SUMF1: variants seen among roughly 807,000 people sequenced by gnomAD.
SUMF1 encodes formylglycine-generating enzyme.
Under a neutral mutation model 47.6 loss-of-function variants are expected in SUMF1, and 48 were observed. The observed-to-expected ratio is 1.01, with a 90% CI of 0.80 to 1.28. The LOEUF is 1.28. Among genes scored for constraint, SUMF1 ranks in the 50% most tolerant of loss-of-function variants. The probability of loss-of-function intolerance (pLI) is 0.00; values close to 1 mark genes in which losing one functional copy is unlikely to be tolerated. For missense variants in SUMF1, 571 were observed against 485.4 expected (o/e 1.18, Z -1.66); for synonymous variants, 230 against 192.1 (o/e 1.20, Z -1.63).
At chr3:4,208,962 T>A (rs1695715234) in intron 8 of SUMF1, among the ~76,000 whole-genome samples, 1 of 152,166 alleles carries the variant, frequency 6.6e-6, no homozygotes, top group African/African-American at 2.4e-5. Flanking sequence ...TCTATAGTTT[T>A]CTTGTGATGT....
intron 1 of SUMF1, among the ~76,000 whole-genome samples, chr3:4,456,326 C>T (rs751952933): frequency 1.2e-4 from 18 of 151,934 alleles, no homozygotes; most frequent in Non-Finnish European, 2.4e-4. Flanking sequence ...ATACTCTTGC[C>T]ACTTCTATTC....
intron 6 of SUMF1, among the ~76,000 whole-genome samples, chr3:4,412,443 G>A (rs1042936300): frequency 5.9e-5 from 9 of 152,156 alleles, no homozygotes; most frequent in African/African-American, 2.2e-4. Context: ...GAACGAAGAG[G>A]CCACAGGCAT....
At chr3:4,093,798 A>T (rs566748850) in intron 8 of SUMF1, among the ~76,000 whole-genome samples, 2 of 152,234 alleles carry the variant, frequency 1.3e-5, no homozygotes, top group Non-Finnish European at 2.9e-5. Flanking sequence ...GGCAAGGTGG[A>T]ATATGTAAAT....
intron 8 of SUMF1, among the ~76,000 whole-genome samples, chr3:4,327,759 T>C (rs1328757293): frequency 1.3e-5 from 2 of 152,160 alleles, no homozygotes; most frequent in Non-Finnish European, 2.9e-5. Flanking sequence ...GGACCTAATA[T>C]CTAAAAAAGT....
chr3:4,135,233 T>A (rs1693896941), intron 8 of SUMF1, among the ~76,000 whole-genome samples: 2 of 152,270 alleles, frequency 1.3e-5, no homozygotes, highest in Admixed American at 6.5e-5. Context: ...AATAAAATAC[T>A]GGCAAAGTGA....
intron 8 of SUMF1, among the ~76,000 whole-genome samples, chr3:4,100,037 A>C (rs1214525799): frequency 6.6e-6 from 1 of 151,414 alleles, no homozygotes; most frequent in Non-Finnish European, 1.5e-5. Flanking sequence ...ATTCAATTCA[A>C]TCCAATTCAA....
rs759674958 is a variant in SUMF1, at chr3:4,303,406, T to G, written c.1014+72924A>C. 7 of 1,558,630 alleles carry G rather than the reference T, an allele frequency of 4.5e-6. No individual in the cohort carries two copies. The South Asian group carries it at 8.4e-5, about 19-fold the overall frequency. ...AAGCGGCAAAGACGACACGGCCTTG[T>G]GGGATGGCGGAGTTTAAGGAGAAGC... On this transcript the variant is annotated intron_variant and NMD_transcript_variant, in intron 8 of 12. Transcript: ENST00000448413.
chr3:4,082,658 C>T (rs1320471639), intron 8 of SUMF1, among the ~76,000 whole-genome samples: 1 of 151,954 alleles, frequency 6.6e-6, no homozygotes, highest in African/African-American at 2.4e-5. Context: ...AATTATTAAT[C>T]TATTTAATAA....
intron 8 of SUMF1, among the ~76,000 whole-genome samples, chr3:4,311,577 C>A (rs1486061444): frequency 6.6e-6 from 1 of 152,172 alleles, no homozygotes; most frequent in Non-Finnish European, 1.5e-5. Flanking sequence ...AAGTCAATGC[C>A]ACTTCTGAAC....
At chr3:4,197,692 C>T (rs928853896) in intron 8 of SUMF1, among the ~76,000 whole-genome samples, 1 of 151,940 alleles carries the variant, frequency 6.6e-6, no homozygotes, top group Admixed American at 6.6e-5. Flanking sequence ...CTAGGAAATG[C>T]CTATAAAAGA....
intron 8 of SUMF1, among the ~76,000 whole-genome samples, chr3:4,273,060 C>T (rs1426492109): frequency 6.7e-6 from 1 of 149,356 alleles, no homozygotes; most frequent in Non-Finnish European, 1.5e-5. Flanking sequence ...GCTCTGTCTC[C>T]AAAATATATA....
chr3:4,171,399 C>G lies in SUMF1; in HGVS notation c.1015-102654G>C, dbSNP rs1437301682. On this transcript the variant is annotated intron_variant and NMD_transcript_variant, in intron 8 of 12. Transcript: ENST00000448413. Reference sequence around the variant, plus strand: ...ATTAACTTTTTGAGGTGGTGGTTAGCTAACAGTTAGACTTGAGTTTCATAG... The same window carrying G: ...ATTAACTTTTTGAGGTGGTGGTTAGGTAACAGTTAGACTTGAGTTTCATAG... Among the ~76,000 whole-genome samples the G allele has an allele frequency of 4.6e-5, 7 of 152,240 alleles. 1 individual carries two copies. Among genetic ancestry groups the G allele is most frequent in the Admixed American group, 4.6e-4 (7 of 15,284 alleles).
intron 8 of SUMF1, among the ~76,000 whole-genome samples, chr3:4,123,228 T>C (rs566071686): frequency 1.3e-5 from 2 of 152,196 alleles, no homozygotes; most frequent in African/African-American, 4.8e-5. Flanking sequence ...AATATGTTAG[T>C]TGAGAACTAA....
intron 8 of SUMF1, among the ~76,000 whole-genome samples, chr3:4,273,477 G>A (rs1697343809): frequency 6.6e-6 from 1 of 151,840 alleles, no homozygotes. Context: ...TATAGAAACA[G>A]AAAGTAGATC....
chr3:4,132,758 A>G (rs369838238), intron 8 of SUMF1, among the ~76,000 whole-genome samples: 79 of 152,286 alleles, frequency 5.2e-4, no homozygotes, highest in African/African-American at 1.8e-3. Flanking sequence ...AGGGAGTTAC[A>G]GTGTTGGCTG....
At chr3:4,044,321 C>T (rs1694967806) in intron 9 of SUMF1, among the ~76,000 whole-genome samples, 1 of 152,152 alleles carries the variant, frequency 6.6e-6, no homozygotes, top group African/African-American at 2.4e-5. Flanking sequence ...CAGCATCTCT[C>T]TCCTCACTGG....
intron 4 of SUMF1, among the ~76,000 whole-genome samples, chr3:4,418,792 C>A (rs1422979197): frequency 6.6e-6 from 1 of 152,168 alleles, no homozygotes; most frequent in Non-Finnish European, 1.5e-5. Flanking sequence ...TTTTCCTCTA[C>A]AAGAGGCCGG....
rs1697555971 is a variant in SUMF1 at position 4,282,785 on chromosome 3, C to T, written c.1014+93545G>A. ...TTTGTCCTGCGTCAATCACATGTTC[C>T]TTTCTCCCATGACTGCCTTTGGAGA... On this transcript the variant is annotated intron_variant and NMD_transcript_variant, in intron 8 of 12. Transcript: ENST00000448413. 2.0e-5 allele frequency among the ~76,000 whole-genome samples: 3 copies of T among 152,300 alleles called. 1 individual carries two copies. The South Asian group carries it at 6.2e-4, about 32-fold the overall frequency.
chr3:4,179,681 A>C (rs1203484658), intron 8 of SUMF1, among the ~76,000 whole-genome samples: 1 of 152,192 alleles, frequency 6.6e-6, no homozygotes, highest in East Asian at 1.9e-4. Context: ...ACAAAAGCCA[A>C]AATTGACAAA....
Sources: allele counts gnomAD v4.1 joint callset (sites outside exome capture counted in the v4.1 genomes callset), GRCh38; gene constraint gnomAD v4.1.1; transcripts MANE v1.5; gene names NCBI Gene and HGNC (gene_info 2026-07-23, HGNC 2026-07-21).